Variants in BIN3 observed in about 807,000 individuals in gnomAD.
The protein encoded by BIN3 is bridging integrator 3.
A neutral mutation model predicts 38.2 loss-of-function variants in BIN3; 41 were observed. The ratio of observed to expected loss-of-function variants is 1.07; its 90% CI spans 0.84 to 1.39. The LOEUF (loss-of-function observed/expected upper bound fraction) is 1.39. Ranked by LOEUF, BIN3 falls within the 40% of genes most tolerant of loss-of-function variation. The pLI, the probability that BIN3 is intolerant of heterozygous loss-of-function variation, is 0.00. For missense variants in BIN3, 361 were observed against 324.3 expected (o/e 1.11, Z -0.87); for synonymous variants, 145 against 122.6 (o/e 1.18, Z -1.21).
chr8:22,632,091 T>G (rs1031684428), intron 4 of BIN3, among the ~76,000 whole-genome samples: 24 of 152,228 alleles, frequency 1.6e-4, no homozygotes, highest in Non-Finnish European at 3.4e-4. Context: ...TCACTTATTG[T>G]ATGAACTACT....
At chr8:22,630,705 C>A in intron 4 of BIN3, 127 bp from the exon 5 acceptor site, 1 of 1,086,690 alleles carries the variant, frequency 9.2e-7, no homozygotes, top group Non-Finnish European at 1.3e-6. Context: ...CCACGGCCGT[C>A]AAGAACGGCG....
intron 1 of BIN3, among the ~76,000 whole-genome samples, chr8:22,652,695 A>G (rs899176059): frequency 6.6e-6 from 1 of 152,272 alleles, no homozygotes; most frequent in African/African-American, 2.4e-5. Flanking sequence ...ATATACAAAT[A>G]GGCATGAAAG....
intron 1 of BIN3, among the ~76,000 whole-genome samples, chr8:22,649,109 C>T (rs1802803005): frequency 6.6e-6 from 1 of 152,210 alleles, no homozygotes; most frequent in Non-Finnish European, 1.5e-5. Context: ...AGTACAACTG[C>T]CATGATTCAG....
chr8:22,641,747 T>A lies in BIN3; in HGVS notation c.57+3008A>T, dbSNP rs548016332. Reference sequence around the variant, plus strand: ...TAACTTTGCAGAGCACCCACCTGGCTAGGAACCTTGGAGCGCATGTTCCTT... The same window carrying A: ...TAACTTTGCAGAGCACCCACCTGGCAAGGAACCTTGGAGCGCATGTTCCTT... On this transcript the variant is annotated intron_variant, in intron 2 of 8. Transcript: ENST00000276416. 3.9e-5 allele frequency among the ~76,000 whole-genome samples: 6 copies of A among 152,330 alleles called. No homozygotes were observed. In the East Asian group the frequency reaches 1.2e-3, roughly 29 times the overall value.
chr8:22,630,146 G>A, intron 5 of BIN3, 142 bp from the exon 6 acceptor site: 1 of 1,038,612 alleles, frequency 9.6e-7, no homozygotes, highest in Non-Finnish European at 1.4e-6. Flanking sequence ...CTTTGCTCAG[G>A]GTGGAGGCCG....
Position 22,621,476 on chromosome 8 carries a change from C to T in BIN3, c.708G>A (p.Glu236=), listed in dbSNP as rs770111674. ...PGHSDEQRER[E]NEAKLSELRA... ...GGAGCTCACTGAGTTTGGCCTCGTT[C>T]TCCCGCTCCCGCTGCTCATCGGAGT... is the stretch of plus-strand genomic sequence containing the variant. Residue 236 remains glutamate, a synonymous_variant, in exon 9 of 9, where the codon GAG becomes GAA. Transcript: ENST00000276416. The T allele has an allele frequency of 1.2e-6, 2 of 1,613,768 alleles. No individual in the cohort carries two copies. The highest frequency in any genetic ancestry group is 1.6e-4 in the Middle Eastern group (1 of 6,084).
At chr8:22,661,218 C>T (rs1803225107) in intron 1 of BIN3, among the ~76,000 whole-genome samples, 1 of 152,070 alleles carries the variant, frequency 6.6e-6, no homozygotes, top group Admixed American at 6.6e-5. Flanking sequence ...CCTTGTTATC[C>T]TAGAGTAACC....
intron 1 of BIN3, among the ~76,000 whole-genome samples, chr8:22,666,790 G>A (rs1280795201): frequency 3.9e-5 from 6 of 152,208 alleles, no homozygotes; most frequent in Admixed American, 2.6e-4. Flanking sequence ...TGGGCCATGT[G>A]CCTTATTTAA....
intron 1 of BIN3, among the ~76,000 whole-genome samples, chr8:22,648,894 C>CATAT (rs369500575): frequency 0.017 from 2,491 of 148,010 alleles, 78 homozygotes; most frequent in African/African-American, 0.058. Context: ...TCCACATCAA[C>CATAT]GTATGTATGT....
chr8:22,636,768 T>C (rs1202153722), intron 3 of BIN3, 154 bp downstream of exon 3: 4 of 1,028,070 alleles, frequency 3.9e-6, no homozygotes, highest in African/African-American at 1.6e-5. Flanking sequence ...CACATGGCCA[T>C]TGCCAGGGAA....
At chr8:22,660,661 T>C (rs1013404221) in intron 1 of BIN3, among the ~76,000 whole-genome samples, 13 of 152,140 alleles carry the variant, frequency 8.5e-5, no homozygotes, top group African/African-American at 3.1e-4. Context: ...GAAAGTGAGG[T>C]CTGCCCCAGC....
At chr8:22,647,359 T>C (rs1802746240) in intron 1 of BIN3, among the ~76,000 whole-genome samples, 1 of 152,160 alleles carries the variant, frequency 6.6e-6, no homozygotes, top group Non-Finnish European at 1.5e-5. Context: ...AGAAATTTTT[T>C]CCCCAGTTCA....
chr8:22,652,015 A>T, intron 1 of BIN3, among the ~76,000 whole-genome samples: 1 of 147,368 alleles, frequency 6.8e-6, no homozygotes, highest in Non-Finnish European at 1.5e-5. Flanking sequence ...TTCTGCTATC[A>T]GATTTTTAAT....
intron 2 of BIN3, among the ~76,000 whole-genome samples, chr8:22,641,377 C>T (rs1802554821): frequency 6.6e-6 from 1 of 152,170 alleles, no homozygotes; most frequent in Non-Finnish European, 1.5e-5. Flanking sequence ...TGGCAGTGCA[C>T]AGGTCAGGCC....
intron 4 of BIN3, among the ~76,000 whole-genome samples, chr8:22,635,254 CACG>C (rs1443587281): frequency 6.6e-6 from 1 of 152,154 alleles, no homozygotes; most frequent in African/African-American, 2.4e-5. Context: ...CCTTGCACGC[CACG>C]ACGTGTCATT....
rs1254519336 is a variant in BIN3 at position 22,647,237 on chromosome 8, T to C, written c.9-2434A>G. ...CAAAACGATTCTTGGAGTTTAGTAC[T>C]GTAGACAAGGGACCAAGAATCAGAA... On this transcript the variant is annotated intron_variant, in intron 1 of 8. Transcript: ENST00000276416. Among the ~76,000 whole-genome samples, 6 of 152,250 alleles carry C rather than the reference T, an allele frequency of 3.9e-5. No homozygotes were observed. The East Asian group carries it at 1.2e-3, about 29-fold the overall frequency.
intron 1 of BIN3, among the ~76,000 whole-genome samples, chr8:22,660,864 G>C (rs1037873868): frequency 1.3e-5 from 2 of 152,144 alleles, no homozygotes; most frequent in African/African-American, 4.8e-5. Context: ...CGCACCCTGA[G>C]ATTGTATTTC....
At chr8:22,650,621 C>T (rs1802860804) in intron 1 of BIN3, among the ~76,000 whole-genome samples, 1 of 152,150 alleles carries the variant, frequency 6.6e-6, no homozygotes, top group Admixed American at 6.5e-5. Flanking sequence ...TTAAGTAAAA[C>T]GTTAGTTCCC....
intron 2 of BIN3, 79 bp downstream of exon 2, chr8:22,644,676 T>C: frequency 7.1e-7 from 1 of 1,405,352 alleles, no homozygotes; most frequent in Non-Finnish European, 9.9e-7. Flanking sequence ...CAAGATGTGT[T>C]GATTCAAAGC....
Sources: allele counts gnomAD v4.1 joint callset (sites outside exome capture counted in the v4.1 genomes callset), GRCh38; gene constraint gnomAD v4.1.1; transcripts MANE v1.5; gene names NCBI Gene and HGNC (gene_info 2026-07-23, HGNC 2026-07-21).